The following AOAH variants were observed in gnomAD, a reference collection of about 807,000 sequenced individuals.
AOAH encodes acyloxyacyl hydrolase.
In AOAH, 64 loss-of-function variants were observed where a neutral mutation model predicts 92.2. The ratio of observed to expected loss-of-function variants is 0.69; its 90% confidence interval spans 0.57 to 0.86. AOAH has a LOEUF of 0.86. AOAH is among the 40% of genes least tolerant of loss of function. The probability of loss-of-function intolerance (pLI) is 0.00; values close to 1 mark genes in which losing one functional copy is unlikely to be tolerated. For synonymous variants in AOAH, 263 were observed against 254.5 expected (o/e 1.03, Z -0.32); for missense variants, 656 against 694.6 (o/e 0.94, Z 0.62).
chr7:36,554,244 C>A (rs923134965), intron 13 of AOAH, among the ~76,000 whole-genome samples: 2 of 152,170 alleles, frequency 1.3e-5, no homozygotes, highest in Admixed American at 1.3e-4. Context: ...ATAGGGAGTC[C>A]TTTCCCCATT....
At chr7:36,645,441 C>T (rs1469837472) in intron 4 of AOAH, among the ~76,000 whole-genome samples, 3 of 152,028 alleles carry the variant, frequency 2.0e-5, no homozygotes, top group Non-Finnish European at 4.4e-5. Context: ...TTAGAGCAGC[C>T]CTAACTAAGA....
At chr7:36,556,268 T>C (rs1436851876) in intron 13 of AOAH, among the ~76,000 whole-genome samples, 2 of 152,246 alleles carry the variant, frequency 1.3e-5, no homozygotes, top group Non-Finnish European at 2.9e-5. Context: ...AAGCAGGTTG[T>C]TCAGTTTCCA....
At chr7:36,625,142 C>T (rs550838727) in intron 6 of AOAH, among the ~76,000 whole-genome samples, 4 of 152,260 alleles carry the variant, frequency 2.6e-5, no homozygotes, top group East Asian at 3.9e-4. Context: ...CATCACTAGT[C>T]CTTCCTACAT....
chr7:36,513,484 C>T (rs1328406258), intron 20 of AOAH, 104 bp from the exon 21 acceptor site: 3 of 1,076,476 alleles, frequency 2.8e-6, no homozygotes, highest in African/African-American at 1.6e-5. Context: ...TCTAGGATGG[C>T]CCCATGACTC....
intron 11 of AOAH, among the ~76,000 whole-genome samples, chr7:36,596,863 T>C (rs1790162974): frequency 6.6e-6 from 1 of 152,186 alleles, no homozygotes; most frequent in Non-Finnish European, 1.5e-5. Flanking sequence ...GCTTGTTGCT[T>C]TTATTATTCA....
At chr7:36,520,615 G>A (rs2115807666) in intron 20 of AOAH, among the ~76,000 whole-genome samples, 1 of 151,856 alleles carries the variant, frequency 6.6e-6, no homozygotes, top group African/African-American at 2.4e-5. Context: ...TGAGGCAGGA[G>A]AATCACTTGA....
intron 4 of AOAH, among the ~76,000 whole-genome samples, chr7:36,658,922 T>A (rs1413168420): frequency 2.0e-5 from 3 of 152,192 alleles, no homozygotes; most frequent in African/African-American, 7.2e-5. Context: ...TCCTACCTAC[T>A]GGCAGGCCAG....
intron 12 of AOAH, among the ~76,000 whole-genome samples, chr7:36,585,726 A>G (rs1408808485): frequency 2.0e-5 from 3 of 152,196 alleles, no homozygotes; most frequent in African/African-American, 7.2e-5. Context: ...CTTTATGGGA[A>G]AATCCCAACA....
chr7:36,517,091 T>A (rs11761829), intron 20 of AOAH, among the ~76,000 whole-genome samples: 133,469 of 152,026 alleles, frequency 0.88, 59,910 homozygotes, highest in East Asian at 1. Context: ...ATTTCCTGTT[T>A]TAACTTCCAC....
intron 1 of AOAH, among the ~76,000 whole-genome samples, chr7:36,697,910 T>C (rs1198521746): frequency 6.6e-6 from 1 of 152,114 alleles, no homozygotes; most frequent in Non-Finnish European, 1.5e-5. Flanking sequence ...GGACTGGAGT[T>C]ACACAGCTGT....
intron 2 of AOAH, among the ~76,000 whole-genome samples, chr7:36,686,064 G>A (rs73344071): frequency 0.023 from 3,516 of 151,694 alleles, 121 homozygotes; most frequent in African/African-American, 0.081. Flanking sequence ...TATTCATTAC[G>A]ACTGTTCAAG....
intron 1 of AOAH, among the ~76,000 whole-genome samples, chr7:36,693,397 G>T (rs938194600): frequency 6.6e-6 from 1 of 152,136 alleles, no homozygotes; most frequent in Admixed American, 6.6e-5. Context: ...ACTTAAAAAT[G>T]AGACTTTAAT....
At chr7:36,515,583 A>C (rs1583701497) in intron 20 of AOAH, among the ~76,000 whole-genome samples, 5 of 66,502 alleles carry the variant, frequency 7.5e-5, no homozygotes, top group African/African-American at 2.4e-4. Context: ...CCCACACACC[A>C]CACACATACC....
intron 13 of AOAH, among the ~76,000 whole-genome samples, chr7:36,565,708 T>A (rs1450820962): frequency 6.6e-6 from 1 of 151,978 alleles, no homozygotes; most frequent in Non-Finnish European, 1.5e-5. Flanking sequence ...GATTTTTTTT[T>A]TTTATTTAAA....
intron 11 of AOAH, among the ~76,000 whole-genome samples, chr7:36,611,569 G>C (rs550781104): frequency 1.3e-5 from 2 of 152,296 alleles, no homozygotes; most frequent in East Asian, 3.9e-4. Context: ...TGTCTACTGG[G>C]TGGGCCCCTC....
intron 11 of AOAH, among the ~76,000 whole-genome samples, chr7:36,605,188 G>T (rs1474007381): frequency 6.6e-6 from 1 of 152,138 alleles, no homozygotes; most frequent in African/African-American, 2.4e-5. Context: ...ACTAGAGCTG[G>T]GCTGGATAAT....
At chr7:36,557,124 A>G (rs1786795070) in intron 13 of AOAH, among the ~76,000 whole-genome samples, 1 of 152,162 alleles carries the variant, frequency 6.6e-6, no homozygotes, top group Non-Finnish European at 1.5e-5. Flanking sequence ...AGCTGGTACC[A>G]GTTGTGCCTT....
At chr7:36,620,920 A>G in intron 8 of AOAH, 91 bp from the exon 9 acceptor site, 1 of 1,120,624 alleles carries the variant, frequency 8.9e-7, no homozygotes, top group Non-Finnish European at 1.3e-6. Context: ...TGAATGAATG[A>G]ATGCTACACG....
chr7:36,516,330 GCA>G lies in AOAH; in HGVS notation c.1600-2952_1600-2951del, dbSNP rs560196886. Among the ~76,000 whole-genome samples the G allele has an allele frequency of 2.4e-4, 21 of 89,116 alleles. No homozygotes were observed. Among genetic ancestry groups the G allele is most frequent in the African/African-American group, 9.5e-4 (19 of 20,020 alleles). 58.5% of individuals were successfully genotyped at this position (89,116 alleles called of 152,430 possible). ...GATACCACACACACACACACAGAAA[GCA>G]CACAGATACCACACACACCCCCACA... is the stretch of plus-strand genomic sequence containing the variant. On this transcript the variant is annotated intron_variant, in intron 20 of 20. Transcript: ENST00000617537. This position sits in a 1 kb window ranked among gnomAD's most constrained non-coding sequence, Gnocchi z 5.0.
Sources: allele counts gnomAD v4.1 joint callset (sites outside exome capture counted in the v4.1 genomes callset), GRCh38; gene constraint gnomAD v4.1.1; non-coding constraint Gnocchi (gnomAD v3.1); transcripts MANE v1.5; gene names NCBI Gene and HGNC (gene_info 2026-07-23, HGNC 2026-07-21).